WNT5B: variants seen among roughly 807,000 people sequenced by gnomAD.
WNT5B encodes the protein Wnt family member 5B, also known as protein Wnt-5b.
Under a neutral mutation model 36.5 loss-of-function variants are expected in WNT5B, and 18 were observed. The ratio of observed to expected loss-of-function variants is 0.49; its 90% CI spans 0.34 to 0.73. The LOEUF (loss-of-function observed/expected upper bound fraction) is 0.73, where lower values mean the gene tolerates loss of function less well. Ranked by LOEUF, WNT5B falls within the 30% of genes least tolerant of loss-of-function variation. The probability of loss-of-function intolerance (pLI) is 0.01; values close to 1 mark genes in which losing one functional copy is unlikely to be tolerated. For synonymous variants in WNT5B, 213 were observed against 212.3 expected, an observed-to-expected ratio of 1.00 and a Z score of -0.03; for missense variants, 424 against 508.4, an observed-to-expected ratio of 0.83 and a Z score of 1.60.
chr12:1,629,010 C>G (rs1399265263), upstream of WNT5B, among the ~76,000 whole-genome samples: 1 of 151,840 alleles, frequency 6.6e-6, no homozygotes, highest in South Asian at 2.1e-4. Context: ...GAGAAAGAAG[C>G]CACTGCACAT....
rs1221092550 is a variant in WNT5B, at chr12:1,633,225, T to G, written c.328+320T>G. ...GCAGGACATCTGAGTTGACTTAGAG[T>G]GGATTAGGAGAGCCGCCCACCGCCA... On this transcript the variant is annotated intron_variant, in intron 3 of 4. Coordinates refer to ENST00000397196, the MANE Select transcript of WNT5B (RefSeq NM_032642.3). The surrounding 1 kb of genome is among the most constrained non-coding windows in gnomAD (Gnocchi z 4.8). 2.0e-5 allele frequency among the ~76,000 whole-genome samples: 3 copies of G among 151,644 alleles called. No individual in the cohort carries two copies. The highest frequency in any genetic ancestry group is 7.3e-5 in the African/African-American group (3 of 41,266).
Position 1,632,971 on chromosome 12 carries a change from CT to C in WNT5B, c.328+67del. ...CTCGTCTCGTTTGGGAGCAATTAAG[CT>C]CTCTCAGGACTGGCACAGGGAGAGC... On this transcript the variant is annotated intron_variant, in intron 3 of 4. Transcript: ENST00000397196. The surrounding 1 kb of genome is among the most constrained non-coding windows in gnomAD (Gnocchi z 5.8). The C allele has an allele frequency of 6.5e-7, 1 of 1,544,974 alleles. No homozygotes were observed. Among genetic ancestry groups the C allele is most frequent in the African/African-American group, 1.4e-5 (1 of 73,816 alleles).
intron 1 of WNT5B, among the ~76,000 whole-genome samples, chr12:1,622,183 T>G (rs2094534797): frequency 6.8e-6 from 1 of 148,022 alleles, no homozygotes; most frequent in Non-Finnish European, 1.5e-5. Context: ...TGATCTCGGC[T>G]CACTGCAAGC....
chr12:1,639,177 G>A (rs545599486), intron 3 of WNT5B, among the ~76,000 whole-genome samples: 17 of 150,186 alleles, frequency 1.1e-4, no homozygotes, highest in East Asian at 7.9e-4. Flanking sequence ...TCACTCTGTC[G>A]CCCAGGCTGG....
At chr12:1,635,546 T>C (rs192047877) in intron 3 of WNT5B, among the ~76,000 whole-genome samples, 270 of 152,350 alleles carry the variant, frequency 1.8e-3, no homozygotes, top group African/African-American at 6.3e-3. Flanking sequence ...AAAGATGGAA[T>C]GGATTGCTTT....
intron 4 of WNT5B, 23 bp from the exon 5 acceptor site, chr12:1,645,771 C>G: frequency 2.6e-6 from 4 of 1,544,414 alleles, no homozygotes; most frequent in Non-Finnish European, 3.5e-6. Context: ...CTCCTTCTTA[C>G]TGCCTTCTTT....
chr12:1,639,216 C>T (rs2094568238), intron 3 of WNT5B, among the ~76,000 whole-genome samples: 1 of 150,678 alleles, frequency 6.6e-6, no homozygotes, highest in Admixed American at 6.6e-5. Flanking sequence ...CAGCTCCCTG[C>T]AAGCTCCGCC....
chr12:1,644,034 TATCCGTGCTCCGAGTTGCTA>T lies in WNT5B; in HGVS notation c.622-1758_622-1739del, dbSNP rs2094580802. On this transcript the variant is annotated intron_variant, in intron 4 of 4. Transcript: ENST00000397196. This position sits in a 1 kb window ranked among gnomAD's most constrained non-coding sequence, Gnocchi z 5.1. The stretch of plus-strand genomic sequence containing the variant: ...AGTGTTTGCCCCTGCAAGAGATGCT[TATCCGTGCTCCGAGTTGCTA>T]AGTGGCAAAGTGCACAGTTTCCAAC... Among the ~76,000 whole-genome samples, 1 of 152,144 alleles carries T rather than the reference TATCCGTGCTCCGAGTTGCTA, an allele frequency of 6.6e-6. No homozygotes were observed. The highest frequency in any genetic ancestry group is 1.5e-5 in the Non-Finnish European group (1 of 68,032).
chr12:1,628,237 C>G (rs148374356), upstream of WNT5B, among the ~76,000 whole-genome samples: 2,219 of 151,974 alleles, frequency 0.015, 54 homozygotes, highest in African/African-American at 0.05. Flanking sequence ...CTCACTGCAA[C>G]CTCCACCTCC....
upstream of WNT5B, among the ~76,000 whole-genome samples, chr12:1,628,367 G>A (rs759199087): frequency 3.3e-5 from 5 of 152,104 alleles, 1 homozygote; most frequent in South Asian, 6.2e-4. Flanking sequence ...CATGTTGGCC[G>A]GGCTGGTCTC....
In WNT5B at chr12:1,644,869, C is replaced by T. The variant is rs1355358361; in HGVS notation, c.622-925C>T. The T allele has an allele frequency of 6.6e-6, 1 of 152,202 alleles. No individual in the cohort carries two copies. Among genetic ancestry groups the T allele is most frequent in the East Asian group, 1.9e-4 (1 of 5,192 alleles). 9.4% of individuals were successfully genotyped at this position (152,202 alleles called of 1,614,324 possible). On this transcript the variant is annotated intron_variant, in intron 4 of 4. Transcript: ENST00000397196. This position sits in a 1 kb window ranked among gnomAD's most constrained non-coding sequence, Gnocchi z 5.1. ...GCGGTTCTGTGACTTCTGGGGTAGA[C>T]TTGTTTTAGATGAACCGCTCCTGCA...
chr12:1,621,712 T>A (rs1189570671), intron 1 of WNT5B, among the ~76,000 whole-genome samples: 1 of 151,180 alleles, frequency 6.6e-6, no homozygotes, highest in Non-Finnish European at 1.5e-5. Context: ...CAGCTATTTT[T>A]TTTTTTTTTT....
upstream of WNT5B, among the ~76,000 whole-genome samples, chr12:1,625,425 T>C (rs1222680902): frequency 6.6e-6 from 1 of 152,062 alleles, no homozygotes; most frequent in Non-Finnish European, 1.5e-5. Flanking sequence ...TTCTCTACAG[T>C]ACGAGAAATG....
chr12:1,626,526 G>A (rs1436271660), upstream of WNT5B, among the ~76,000 whole-genome samples: 2 of 151,412 alleles, frequency 1.3e-5, no homozygotes, highest in Non-Finnish European at 2.9e-5. Flanking sequence ...GCCTCGCAAA[G>A]TGCTGGGATT....
chr12:1,631,185 G>C (rs1010943936), intron 1 of WNT5B, 113 bp from the exon 2 acceptor site: 1 of 943,202 alleles, frequency 1.1e-6, no homozygotes, highest in African/African-American at 1.6e-5. Context: ...GCTTCTTTGT[G>C]GGGAACACGC....
At chr12:1,621,355 T>C (rs2154439256) in intron 1 of WNT5B, among the ~76,000 whole-genome samples, 1 of 152,224 alleles carries the variant, frequency 6.6e-6, no homozygotes, top group South Asian at 2.1e-4. Context: ...AACTTCTATA[T>C]TTGGCTCTCT....
chr12:1,639,163 A>C (rs1298266652), intron 3 of WNT5B, among the ~76,000 whole-genome samples: 3 of 150,824 alleles, frequency 2.0e-5, no homozygotes, highest in Admixed American at 2.0e-4. Context: ...TTTGAGACAG[A>C]GTCTCACTCT....
At chr12:1,640,303 A>G (rs1040959400) in intron 4 of WNT5B, among the ~76,000 whole-genome samples, 2 of 152,128 alleles carry the variant, frequency 1.3e-5, no homozygotes, top group Admixed American at 1.3e-4. Context: ...TGTCTTGGCC[A>G]CCCCTCCTTT....
At chr12:1,619,414 C>T (rs1261799948) in intron 1 of WNT5B, among the ~76,000 whole-genome samples, 2 of 152,148 alleles carry the variant, frequency 1.3e-5, no homozygotes, top group East Asian at 1.9e-4. Context: ...CAGAGACCCT[C>T]GGGAGAAATA....
Sources: gnomAD v4.1 joint callset for allele counts (sites outside exome capture counted in the v4.1 genomes callset) on GRCh38, gnomAD v4.1.1 for gene constraint, Gnocchi (gnomAD v3.1) non-coding constraint, MANE v1.5 for transcripts, NCBI Gene and HGNC (gene_info 2026-07-23, HGNC 2026-07-21) for gene names.